MTMR7: variants seen among roughly 807,000 people sequenced by gnomAD.
MTMR7 encodes myotubularin related protein 7.
In MTMR7, 76 loss-of-function variants were observed where a neutral mutation model predicts 81.2. That is an observed-to-expected ratio of 0.94 (90% CI 0.78 to 1.13). MTMR7 has a LOEUF of 1.13. Ranked by LOEUF, MTMR7 falls within the 50% of genes most tolerant of loss-of-function variation. MTMR7 has a pLI of 0.00. For missense variants in MTMR7, 1,044 were observed against 820.0 expected (o/e 1.27, Z -3.34); for synonymous variants, 372 against 289.8 (o/e 1.28, Z -2.88).
chr8:17,348,959 A>G lies in MTMR7; in HGVS notation c.591T>C (p.Asp197=). The G allele has an allele frequency of 6.2e-7, 1 of 1,613,796 alleles. No individual in the cohort carries two copies. Among genetic ancestry groups the G allele is most frequent in the Non-Finnish European group, 8.5e-7 (1 of 1,179,960 alleles). The change falls in exon 5 of 14, where the codon GAT becomes GAC. Residue 197 remains aspartate (D), a synonymous_variant. Transcript: ENST00000180173. ...AACACGCCTCGAGACTTACGTGGTT[A>G]TCTTTATAATAGTAAGAAAGGACAG... is the stretch of plus-strand genomic sequence containing the variant. The part of the protein sequence containing the change: ...RFPVLSYYYK[D]NHASICRSSQ...
At chr8:17,380,677 G>C (rs1820730339) in intron 1 of MTMR7, among the ~76,000 whole-genome samples, 1 of 152,086 alleles carries the variant, frequency 6.6e-6, no homozygotes, top group Non-Finnish European at 1.5e-5. Context: ...TAGAGCTAAG[G>C]TCTGTCTAAC....
intron 5 of MTMR7, among the ~76,000 whole-genome samples, chr8:17,346,537 G>A (rs1819555711): frequency 6.6e-6 from 1 of 152,110 alleles, no homozygotes; most frequent in African/African-American, 2.4e-5. Context: ...TCTGAGGTCA[G>A]CCGGGGAAGA....
chr8:17,304,746 C>CGTGTGTGTGTGTGTGTGTGTGT (rs10527892), intron 11 of MTMR7, among the ~76,000 whole-genome samples: 5,727 of 147,034 alleles, frequency 0.039, 221 homozygotes, highest in African/African-American at 0.088. Context: ...GTGTTCGATT[C>CGTGTGTGTGTGTGTGTGTGTGT]GTGTGTGTGT....
At chr8:17,316,888 T>G (rs1162560019) in intron 7 of MTMR7, among the ~76,000 whole-genome samples, 1 of 152,040 alleles carries the variant, frequency 6.6e-6, no homozygotes, top group Admixed American at 6.6e-5. Context: ...CTGGAAACAA[T>G]TCTCCTTGGA....
At chr8:17,405,260 C>T (rs1563383448) in intron 1 of MTMR7, among the ~76,000 whole-genome samples, 1 of 152,176 alleles carries the variant, frequency 6.6e-6, no homozygotes, top group Non-Finnish European at 1.5e-5. Context: ...TGCTTACAAC[C>T]TAACAAGTAG....
chr8:17,386,068 A>T (rs1201145395), intron 1 of MTMR7, among the ~76,000 whole-genome samples: 1 of 152,124 alleles, frequency 6.6e-6, no homozygotes, highest in Non-Finnish European at 1.5e-5. Flanking sequence ...TGTGCCAGGC[A>T]CCCAGACTAT....
intron 1 of MTMR7, among the ~76,000 whole-genome samples, chr8:17,409,548 G>C (rs1345188079): frequency 2.6e-5 from 4 of 152,290 alleles, no homozygotes; most frequent in Middle Eastern, 6.8e-3. Flanking sequence ...TGCATGCTTA[G>C]TTGGTCCCAA....
At chr8:17,398,284 C>T (rs1821320023) in intron 1 of MTMR7, among the ~76,000 whole-genome samples, 1 of 152,082 alleles carries the variant, frequency 6.6e-6, no homozygotes, top group Non-Finnish European at 1.5e-5. Context: ...TGAGGAAACT[C>T]AAAGAAATTC....
chr8:17,318,516 A>G (rs1818215321), intron 7 of MTMR7, among the ~76,000 whole-genome samples: 1 of 152,112 alleles, frequency 6.6e-6, no homozygotes, highest in African/African-American at 2.4e-5. Context: ...GGCTCCCACA[A>G]ACATAACGGA....
At chr8:17,374,951 T>C (rs1820531314) in intron 1 of MTMR7, among the ~76,000 whole-genome samples, 1 of 152,120 alleles carries the variant, frequency 6.6e-6, no homozygotes. Context: ...TAGCCAGGCG[T>C]GGTGCCCGGC....
At chr8:17,308,384 G>A (rs1008193330) in intron 10 of MTMR7, among the ~76,000 whole-genome samples, 2 of 152,064 alleles carry the variant, frequency 1.3e-5, no homozygotes, top group African/African-American at 2.4e-5. Context: ...TTTCTCATTG[G>A]TAAATGGAAT....
At chr8:17,373,027 C>A in intron 2 of MTMR7, 91 bp downstream of exon 2, 5 of 1,484,178 alleles carry the variant, frequency 3.4e-6, no homozygotes, top group Non-Finnish European at 4.6e-6. Flanking sequence ...AAAGCCCACC[C>A]ATCTCACCCT....
At chr8:17,353,792 G>C (rs537902538) in intron 4 of MTMR7, among the ~76,000 whole-genome samples, 51 of 152,270 alleles carry the variant, frequency 3.3e-4, no homozygotes, top group African/African-American at 1.1e-3. Context: ...TTTTCTTTGT[G>C]CTCCACTAAA....
chr8:17,348,570 G>A (rs6587035), intron 5 of MTMR7, among the ~76,000 whole-genome samples: 64,895 of 141,346 alleles, frequency 0.46, 17,973 homozygotes, highest in African/African-American at 0.76. Flanking sequence ...AAAAAAAAAC[G>A]TAATAGAGAA....
Position 17,299,708 on chromosome 8 carries a change from C to G in MTMR7, c.*154G>C. 4.0e-6 allele frequency: 4 copies of G among 1,002,560 alleles called. No homozygotes were observed. Among genetic ancestry groups the G allele is most frequent in the Non-Finnish European group, 5.8e-6 (4 of 691,038 alleles). The allele number at this position is 1,002,560 out of a possible 1,614,324, so 62.1% of individuals were successfully genotyped here. A position where few individuals can be genotyped will look rare whatever the true frequency, so the allele number is the denominator to read the frequency against. On this transcript the variant is annotated 3_prime_UTR_variant, in exon 14 of 14. Coordinates refer to ENST00000180173, the MANE Select transcript of MTMR7 (RefSeq NM_004686.5). ...ACGTCCTCTTCAGTATCTAAGAAAT[C>G]AAGAACTGGGCACTTTTTTCCCTTT...
intron 1 of MTMR7, among the ~76,000 whole-genome samples, chr8:17,405,699 C>T (rs1821557689): frequency 6.6e-6 from 1 of 151,856 alleles, no homozygotes; most frequent in Non-Finnish European, 1.5e-5. Context: ...GAATTGCCTC[C>T]AGACACTAAA....
intron 1 of MTMR7, among the ~76,000 whole-genome samples, chr8:17,378,116 A>G (rs1820645596): frequency 6.6e-6 from 1 of 152,116 alleles, no homozygotes; most frequent in African/African-American, 2.4e-5. Flanking sequence ...GGATTTTTCC[A>G]TGTCTTTTTG....
chr8:17,311,403 A>G, intron 9 of MTMR7, 108 bp downstream of exon 9: 1 of 1,467,972 alleles, frequency 6.8e-7, no homozygotes, highest in Non-Finnish European at 9.3e-7. Flanking sequence ...AGCTACTAAA[A>G]GAAAAATAAT....
intron 1 of MTMR7, among the ~76,000 whole-genome samples, chr8:17,376,833 A>C (rs10435698): frequency 1.3e-5 from 2 of 151,920 alleles, no homozygotes; most frequent in Non-Finnish European, 2.9e-5. Context: ...CAGAAGTGAA[A>C]GTTATGCCTT....
Sources: gnomAD v4.1 joint callset for allele counts (sites outside exome capture counted in the v4.1 genomes callset) on GRCh38, gnomAD v4.1.1 for gene constraint, MANE v1.5 for transcripts, NCBI Gene and HGNC (gene_info 2026-07-23, HGNC 2026-07-21) for gene names.